SGCZ: variants seen among roughly 807,000 people sequenced by gnomAD.
SGCZ encodes the protein zeta-sarcoglycan.
Under a neutral mutation model 41.3 loss-of-function variants are expected in SGCZ, and 40 were observed. The observed-to-expected ratio is 0.97, with a 90% CI of 0.75 to 1.26. The LOEUF (loss-of-function observed/expected upper bound fraction) is 1.26, where lower values mean the gene tolerates loss of function less well. Ranked by LOEUF, SGCZ falls within the 50% of genes most tolerant of loss-of-function variation. SGCZ has a pLI of 0.00. For synonymous variants in SGCZ, 206 were observed against 137.5 expected, an observed-to-expected ratio of 1.50 and a Z score of -3.49; for missense variants, 552 against 369.8, an observed-to-expected ratio of 1.49 and a Z score of -4.04.
intron 2 of SGCZ, among the ~76,000 whole-genome samples, chr8:14,399,387 G>A (rs1799008931): frequency 6.6e-6 from 1 of 152,084 alleles, no homozygotes; most frequent in Admixed American, 6.6e-5. Context: ...AATAGTGCCT[G>A]CCATGGATTT....
chr8:14,330,187 C>G (rs1425157187), intron 2 of SGCZ, among the ~76,000 whole-genome samples: 3 of 151,822 alleles, frequency 2.0e-5, no homozygotes, highest in African/African-American at 4.8e-5. Context: ...ACATTTTTAC[C>G]TCTTCTTTAA....
At chr8:15,059,370 C>A (rs1287558751) in intron 1 of SGCZ, among the ~76,000 whole-genome samples, 3 of 152,056 alleles carry the variant, frequency 2.0e-5, no homozygotes, top group Non-Finnish European at 4.4e-5. Flanking sequence ...GTTAAAAGAG[C>A]GGATATGTCA....
At chr8:14,327,550 A>G (rs1459088175) in intron 2 of SGCZ, among the ~76,000 whole-genome samples, 5 of 152,202 alleles carry the variant, frequency 3.3e-5, no homozygotes, top group African/African-American at 4.8e-5. Context: ...TTCCCATTTC[A>G]ATATTAATAC....
chr8:14,849,774 T>C (rs1159097858), intron 1 of SGCZ, among the ~76,000 whole-genome samples: 2 of 152,154 alleles, frequency 1.3e-5, no homozygotes, highest in African/African-American at 4.8e-5. Context: ...TTAGTACATT[T>C]TAAATATGGA....
chr8:14,946,662 G>C (rs920623911), intron 1 of SGCZ, among the ~76,000 whole-genome samples: 1 of 147,230 alleles, frequency 6.8e-6, no homozygotes, highest in Non-Finnish European at 1.5e-5. Flanking sequence ...AGAGAAGTTT[G>C]TTAGAAATCT....
At chr8:14,360,032 G>A (rs1401894772) in intron 2 of SGCZ, among the ~76,000 whole-genome samples, 1 of 152,120 alleles carries the variant, frequency 6.6e-6, no homozygotes, top group Non-Finnish European at 1.5e-5. Context: ...TTCAGTTAAT[G>A]CTGAAAAAGC....
intron 2 of SGCZ, among the ~76,000 whole-genome samples, chr8:14,454,683 G>T (rs543201857): frequency 6.6e-6 from 1 of 152,226 alleles, no homozygotes; most frequent in South Asian, 2.1e-4. Flanking sequence ...TATTGATACA[G>T]AAATAGACCA....
chr8:14,692,172 T>G (rs561122521), intron 1 of SGCZ, among the ~76,000 whole-genome samples: 2 of 152,014 alleles, frequency 1.3e-5, no homozygotes. Context: ...CTAAATTACA[T>G]AGTTAAATTG....
intron 2 of SGCZ, among the ~76,000 whole-genome samples, chr8:14,372,765 G>C (rs1256088278): frequency 1.3e-5 from 2 of 152,054 alleles, no homozygotes; most frequent in African/African-American, 4.8e-5. Flanking sequence ...CCGAGTAATA[G>C]CAAGGAAACC....
chr8:14,751,560 A>C (rs1352882375), intron 1 of SGCZ, among the ~76,000 whole-genome samples: 2 of 152,198 alleles, frequency 1.3e-5, no homozygotes, highest in African/African-American at 4.8e-5. Flanking sequence ...AGGAACCAGA[A>C]TACTGTATTT....
At chr8:14,752,921 T>G (rs1355506003) in intron 1 of SGCZ, among the ~76,000 whole-genome samples, 2 of 152,208 alleles carry the variant, frequency 1.3e-5, no homozygotes, top group Non-Finnish European at 2.9e-5. Context: ...GAGTCACCTA[T>G]GTAAGAAGTA....
chr8:14,504,880 A>G (rs1020065845), intron 2 of SGCZ, among the ~76,000 whole-genome samples: 2 of 152,298 alleles, frequency 1.3e-5, no homozygotes, highest in Admixed American at 1.3e-4. Flanking sequence ...CTTTCTTTAT[A>G]AATTGTGATT....
chr8:14,708,631 C>G (rs533851709), intron 1 of SGCZ, among the ~76,000 whole-genome samples: 1 of 151,954 alleles, frequency 6.6e-6, no homozygotes, highest in East Asian at 1.9e-4. Flanking sequence ...TTTTAACAAT[C>G]AGTTTGAAAA....
At chr8:14,963,500 G>C (rs1215076795) in intron 1 of SGCZ, among the ~76,000 whole-genome samples, 2 of 151,882 alleles carry the variant, frequency 1.3e-5, no homozygotes, top group Admixed American at 6.6e-5. Flanking sequence ...CACCACCCTG[G>C]CTACATTGTT....
intron 2 of SGCZ, among the ~76,000 whole-genome samples, chr8:14,456,504 A>G (rs555281955): frequency 3.3e-5 from 5 of 152,202 alleles, no homozygotes; most frequent in Non-Finnish European, 5.9e-5. Flanking sequence ...TTAGAAAAAG[A>G]AAGCAGAGGA....
chr8:14,102,601 A>AAAC (rs937495807), intron 6 of SGCZ, 102 bp from the exon 7 acceptor site: 6 of 1,079,892 alleles, frequency 5.6e-6, no homozygotes, highest in African/African-American at 3.3e-5. Context: ...ACATTGGTCA[A>AAAC]AACAACAACC....
chr8:15,143,335 T>C (rs558521133), intron 1 of SGCZ, among the ~76,000 whole-genome samples: 5 of 152,192 alleles, frequency 3.3e-5, no homozygotes, highest in Admixed American at 6.5e-5. Context: ...TTGAAAAATA[T>C]CTATTGAAAG....
chr8:14,221,905 G>A (rs1806208032), intron 4 of SGCZ, among the ~76,000 whole-genome samples: 1 of 151,662 alleles, frequency 6.6e-6, no homozygotes, highest in South Asian at 2.1e-4. Context: ...AGGTTGCAGT[G>A]AGCCGAGATC....
chr8:14,208,087 C>G (rs1053015441), intron 4 of SGCZ, among the ~76,000 whole-genome samples: 6 of 152,100 alleles, frequency 3.9e-5, no homozygotes, highest in Non-Finnish European at 8.8e-5. Flanking sequence ...GGTTTAAATG[C>G]CTATACTCAA....
Sources: gnomAD v4.1 joint callset for allele counts (sites outside exome capture counted in the v4.1 genomes callset) on GRCh38, gnomAD v4.1.1 for gene constraint, MANE v1.5 for transcripts, NCBI Gene and HGNC (gene_info 2026-07-23, HGNC 2026-07-21) for gene names.